Variants in SLC25A48 observed in about 807,000 individuals in gnomAD.
SLC25A48 encodes solute carrier family 25 member 48, also known as CTC-321K16.1.
SLC25A48 carries 29 observed loss-of-function variants against 32.2 expected under a neutral mutation model. The observed-to-expected ratio is 0.90, with a 90% CI of 0.67 to 1.23. The LOEUF (loss-of-function observed/expected upper bound fraction) is 1.23. SLC25A48 is among the 50% of genes most tolerant of loss of function. The pLI is 0.00. For synonymous variants in SLC25A48, 164 were observed against 172.3 expected, an observed-to-expected ratio of 0.95 and a Z score of 0.38; for missense variants, 399 against 422.7, an observed-to-expected ratio of 0.94 and a Z score of 0.49.
chr5:135,707,449 T>G (rs1754543736), intron 3 of SLC25A48, among the ~76,000 whole-genome samples: 1 of 152,114 alleles, frequency 6.6e-6, no homozygotes, highest in South Asian at 2.1e-4. Context: ...CTGAGTTAGT[T>G]CCTACTCCCT....
At chr5:135,702,681 C>CT (rs1337323404) in intron 3 of SLC25A48, among the ~76,000 whole-genome samples, 1 of 152,258 alleles carries the variant, frequency 6.6e-6, no homozygotes, top group Non-Finnish European at 1.5e-5. Flanking sequence ...TGTCCTCCTC[C>CT]TGGAGATTTT....
intron 3 of SLC25A48, chr5:135,650,046 G>A (rs533038035): frequency 1.9e-5 from 3 of 162,038 alleles, no homozygotes; most frequent in Non-Finnish European, 2.7e-5. Context: ...CTCATAGTTC[G>A]CCCTTTTCTT....
At chr5:135,803,845 T>C (rs1405425542) in intron 3 of SLC25A48, among the ~76,000 whole-genome samples, 2 of 151,578 alleles carry the variant, frequency 1.3e-5, no homozygotes, top group Non-Finnish European at 3.0e-5. Flanking sequence ...TGTGTATACC[T>C]TGTACACTCA....
chr5:135,832,484 G>A (rs1264809980), upstream of SLC25A48, among the ~76,000 whole-genome samples: 3 of 152,114 alleles, frequency 2.0e-5, no homozygotes, highest in Non-Finnish European at 4.4e-5. Flanking sequence ...TGAGAGAGTG[G>A]TTGGGGAGGT....
At chr5:135,611,486 G>C (rs1752061722) in intron 1 of SLC25A48, among the ~76,000 whole-genome samples, 1 of 68,190 alleles carries the variant, frequency 1.5e-5, no homozygotes, top group African/African-American at 5.8e-5. Context: ...GACAGAGCGA[G>C]ACTCCATCTC....
intron 4 of SLC25A48, among the ~76,000 whole-genome samples, chr5:135,829,169 T>C (rs572670191): frequency 6.6e-6 from 1 of 152,348 alleles, no homozygotes; most frequent in African/African-American, 2.4e-5. Flanking sequence ...CACTGGCTCT[T>C]CTGTCACTGT....
chr5:135,829,956 G>T (rs1758160153), upstream of SLC25A48, among the ~76,000 whole-genome samples: 1 of 152,078 alleles, frequency 6.6e-6, no homozygotes, highest in African/African-American at 2.4e-5. Context: ...CCAGCTCGGA[G>T]CCCTGAGGTG....
intron 7 of SLC25A48, among the ~76,000 whole-genome samples, chr5:135,885,299 T>C (rs1762675631): frequency 6.6e-6 from 1 of 152,110 alleles, no homozygotes; most frequent in Non-Finnish European, 1.5e-5. Flanking sequence ...ATTTAAATGT[T>C]GCTGAAAGGG....
chr5:135,834,635 G>A (rs560593908), upstream of SLC25A48: 2 of 573,548 alleles, frequency 3.5e-6, no homozygotes, highest in Non-Finnish European at 6.2e-6. Flanking sequence ...AAGGTCCACT[G>A]GGGGCGTGAT....
At chr5:135,651,866 G>A (rs1377998012) in intron 3 of SLC25A48, among the ~76,000 whole-genome samples, 2 of 152,168 alleles carry the variant, frequency 1.3e-5, no homozygotes, top group African/African-American at 4.8e-5. Flanking sequence ...GAACTTGGAA[G>A]GAGCAGGATT....
chr5:135,654,075 A>G (rs1753184024), intron 3 of SLC25A48: 3 of 365,292 alleles, frequency 8.2e-6, no homozygotes, highest in East Asian at 7.3e-5. Context: ...GTGGGACCCA[A>G]TTGTGACATT....
chr5:135,741,540 C>G (rs190127912), intron 3 of SLC25A48, among the ~76,000 whole-genome samples: 15 of 152,248 alleles, frequency 9.9e-5, no homozygotes, highest in African/African-American at 3.1e-4. Context: ...AAGTTCAAGA[C>G]TAGCCTGGGC....
intron 4 of SLC25A48, chr5:135,825,132 A>G (rs1404470364): frequency 6.6e-6 from 1 of 152,234 alleles, no homozygotes; most frequent in African/African-American, 2.4e-5. Context: ...AGTGCTCAGC[A>G]GGATGGTGAG....
chr5:135,637,274 C>T (rs556645573), intron 3 of SLC25A48, among the ~76,000 whole-genome samples: 2 of 152,264 alleles, frequency 1.3e-5, no homozygotes, highest in South Asian at 2.1e-4. Flanking sequence ...AGGAAAGCTT[C>T]GTAAAGAGGT....
At chr5:135,593,372 T>G (rs1751571398) in intron 1 of SLC25A48, among the ~76,000 whole-genome samples, 2 of 152,220 alleles carry the variant, frequency 1.3e-5, no homozygotes. Context: ...TGACCCACAG[T>G]CAGCCACAGG....
chr5:135,766,332 T>A (rs761292035), intron 3 of SLC25A48, among the ~76,000 whole-genome samples: 3 of 138,622 alleles, frequency 2.2e-5, no homozygotes, highest in Non-Finnish European at 3.2e-5. Context: ...TACACCCCCC[T>A]GTAATATGGT....
chr5:135,815,328 G>A (rs1757687807), intron 4 of SLC25A48, among the ~76,000 whole-genome samples: 1 of 152,228 alleles, frequency 6.6e-6, no homozygotes, highest in South Asian at 2.1e-4. Context: ...AACAGGGTTT[G>A]TGCTCCTATG....
At chr5:135,740,928 T>C (rs1289497974) in intron 3 of SLC25A48, among the ~76,000 whole-genome samples, 1 of 152,224 alleles carries the variant, frequency 6.6e-6, no homozygotes, top group Non-Finnish European at 1.5e-5. Flanking sequence ...ATCTACTCAA[T>C]ACTGTACTTT....
chr5:135,732,301 G>A (rs549558151), intron 3 of SLC25A48, among the ~76,000 whole-genome samples: 9 of 152,178 alleles, frequency 5.9e-5, no homozygotes, highest in Middle Eastern at 3.4e-3. Flanking sequence ...GCCCATTATT[G>A]GACTGTATAG....
Sources: gnomAD v4.1 joint callset for allele counts (sites outside exome capture counted in the v4.1 genomes callset) on GRCh38, gnomAD v4.1.1 for gene constraint, MANE v1.5 for transcripts, NCBI Gene and HGNC (gene_info 2026-07-23, HGNC 2026-07-21) for gene names.